Variants in CACNA1C observed in about 807,000 individuals in gnomAD.
CACNA1C encodes voltage-dependent L-type calcium channel subunit alpha-1C.
CACNA1C carries 30 observed loss-of-function variants against 229.0 expected under a neutral mutation model. That is an observed-to-expected ratio of 0.13 (90% CI 0.10 to 0.18). The LOEUF is 0.18. Among genes scored for constraint, CACNA1C ranks in the 10% least tolerant of loss-of-function variants. The pLI is 1.00. For missense variants in CACNA1C, 1,658 were observed against 2,845.0 expected, an observed-to-expected ratio of 0.58 and a Z score of 9.49; for synonymous variants, 1,114 against 1,132.5, an observed-to-expected ratio of 0.98 and a Z score of 0.33.
chr12:2,220,209 A>G (rs2061094813), intron 3 of CACNA1C, among the ~76,000 whole-genome samples: 2 of 152,152 alleles, frequency 1.3e-5, no homozygotes, highest in South Asian at 2.1e-4. Context: ...ACACAATTCA[A>G]AGCTCCCTCT....
intron 3 of CACNA1C, among the ~76,000 whole-genome samples, chr12:2,193,980 C>T (rs1819530884): frequency 6.6e-6 from 1 of 152,138 alleles, no homozygotes; most frequent in African/African-American, 2.4e-5. Flanking sequence ...TGGCCACTCC[C>T]ATGTGAACCT....
intron 3 of CACNA1C, among the ~76,000 whole-genome samples, chr12:2,259,843 G>A (rs1038978386): frequency 6.6e-6 from 1 of 152,176 alleles, no homozygotes; most frequent in Non-Finnish European, 1.5e-5. Flanking sequence ...GGCTGAGGTG[G>A]GAGAATTGCT....
At chr12:2,221,136 C>T (rs1393309467) in intron 3 of CACNA1C, among the ~76,000 whole-genome samples, 1 of 152,170 alleles carries the variant, frequency 6.6e-6, no homozygotes, top group Non-Finnish European at 1.5e-5. Context: ...GGCAGGACAA[C>T]CTTGGCATGT....
In CACNA1C at chr12:2,693,888, A is replaced by G. The variant is rs984704803; in HGVS notation, c.*2689A>G. On this transcript the variant is annotated 3_prime_UTR_variant, in exon 47 of 47. Transcript: ENST00000399655. ...ATATATAAGTAAGCTAGAAATTACA[A>G]TAAGGGACAGTCCATTCCTCTATGA... is the stretch of plus-strand genomic sequence containing the variant. 2 of 152,312 alleles carry G rather than the reference A, an allele frequency of 1.3e-5. No individual in the cohort carries two copies. Among genetic ancestry groups the G allele is most frequent in the South Asian group, 2.1e-4 (1 of 4,822 alleles). 9.4% of individuals were successfully genotyped at this position (152,312 alleles called of 1,614,324 possible).
chr12:2,621,194 G>A lies in CACNA1C; in HGVS notation c.3828+9181G>A, dbSNP rs1040447804. ...CTTTATAGGGCTCACAGAGTAGTGC[G>A]GGAGACACCAATACACAACAAACAA... is the stretch of plus-strand genomic sequence containing the variant. On this transcript the variant is annotated intron_variant, in intron 29 of 46. Transcript: ENST00000399655. Among the ~76,000 whole-genome samples the A allele has an allele frequency of 8.5e-5, 13 of 152,262 alleles. No homozygotes were observed. In the Middle Eastern group the frequency reaches 0.01, roughly 120 times the overall value.
chr12:2,353,404 G>A (rs540802865), intron 3 of CACNA1C, among the ~76,000 whole-genome samples: 13 of 152,342 alleles, frequency 8.5e-5, no homozygotes, highest in African/African-American at 2.4e-4. Context: ...TGCCAGGAGC[G>A]CTTCTATGCT....
rs1031683174 is a variant in CACNA1C, at chr12:2,034,910, C to T, written c.139+63709C>T. Among the ~76,000 whole-genome samples, 2 of 152,208 alleles carry T rather than the reference C, an allele frequency of 1.3e-5. No individual in the cohort carries two copies. Among genetic ancestry groups the T allele is most frequent in the Non-Finnish European group, 2.9e-5 (2 of 68,040 alleles). On this transcript the variant is annotated intron_variant, in intron 1 of 46. Transcript: ENST00000682462. The surrounding 1 kb of genome is among the most constrained non-coding windows in gnomAD (Gnocchi z 4.1). Reference sequence around the variant, plus strand: ...GGATGCTATGGGACACCGAATCCAACTTTGCGGGACAGGGGAAGAAGCCTT... The same window carrying T: ...GGATGCTATGGGACACCGAATCCAATTTTGCGGGACAGGGGAAGAAGCCTT...
intron 11 of CACNA1C, among the ~76,000 whole-genome samples, chr12:2,557,564 G>T (rs888439440): frequency 2.0e-5 from 3 of 152,220 alleles, no homozygotes; most frequent in Non-Finnish European, 4.4e-5. Flanking sequence ...TGAGGCCCCT[G>T]CATGGAGCCA....
chr12:2,093,538 C>T (rs1384332218), intron 1 of CACNA1C, among the ~76,000 whole-genome samples: 2 of 152,212 alleles, frequency 1.3e-5, no homozygotes, highest in South Asian at 2.1e-4. Context: ...AACATGTGTT[C>T]GTACCTGTAC....
At chr12:2,441,117 G>C (rs115364753) in intron 3 of CACNA1C, among the ~76,000 whole-genome samples, 1,903 of 152,254 alleles carry the variant, frequency 0.012, 49 homozygotes, top group African/African-American at 0.044. Flanking sequence ...TACTGAGATG[G>C]AATTGCATAA....
chr12:2,655,749 A>G (rs991331887), intron 34 of CACNA1C, among the ~76,000 whole-genome samples: 2 of 152,366 alleles, frequency 1.3e-5, no homozygotes, highest in African/African-American at 2.4e-5. Flanking sequence ...AAGATGATAC[A>G]TCATGATCAA....
intron 3 of CACNA1C, among the ~76,000 whole-genome samples, chr12:2,413,318 A>G (rs967840546): frequency 6.6e-6 from 1 of 152,222 alleles, no homozygotes; most frequent in African/African-American, 2.4e-5. Context: ...CACCCAGCCT[A>G]CCCAATGCTT....
intron 3 of CACNA1C, among the ~76,000 whole-genome samples, chr12:2,206,059 A>T (rs1024582465): frequency 6.6e-6 from 1 of 152,118 alleles, no homozygotes; most frequent in East Asian, 1.9e-4. Context: ...CACCATGTAC[A>T]TGGACTGTGC....
intron 3 of CACNA1C, among the ~76,000 whole-genome samples, chr12:2,241,892 CGTT>C (rs1210713696): frequency 6.6e-6 from 1 of 152,222 alleles, no homozygotes; most frequent in Non-Finnish European, 1.5e-5. Context: ...GTTCGCAAGG[CGTT>C]TCTCCTGGTT....
At chr12:2,079,589 G>T (rs950220757) in intron 1 of CACNA1C, among the ~76,000 whole-genome samples, 2 of 152,106 alleles carry the variant, frequency 1.3e-5, no homozygotes, top group African/African-American at 2.4e-5. Flanking sequence ...CCAGAAGGCC[G>T]CACCTCCTCA....
rs767957412 is a variant in CACNA1C at position 2,633,735 on chromosome 12, C to T, written c.3829-562C>T. 1.5e-6 allele frequency: 2 copies of T among 1,304,286 alleles called. No homozygotes were observed. Among genetic ancestry groups the T allele is most frequent in the Non-Finnish European group, 1.1e-6 (1 of 898,532 alleles). The allele number at this position is 1,304,286 out of a possible 1,614,324, so 80.8% of individuals were successfully genotyped here. Reference sequence around the variant, plus strand: ...AATGTGAGTATTACTCTGCCCTCCCCAGGAAACCTCCTCATTCCTCCTCCT... The same window carrying T: ...AATGTGAGTATTACTCTGCCCTCCCTAGGAAACCTCCTCATTCCTCCTCCT... On this transcript the variant is annotated intron_variant, in intron 29 of 46. Transcript: ENST00000399655. The surrounding 1 kb of genome is among the most constrained non-coding windows in gnomAD (Gnocchi z 5.8).
rs2059727619 is a variant in CACNA1C, at chr12:2,215,443, T to A, written c.477+95013T>A. ...TCTGAGTGGGGCCTGTTCCTCTGGG[T>A]GGGATGCGCTCTCCCTCCTCCTAGG... On this transcript the variant is annotated intron_variant, in intron 3 of 46. Coordinates refer to ENST00000399655, the MANE Select transcript of CACNA1C (RefSeq NM_000719.7). The surrounding 1 kb of genome is among the most constrained non-coding windows in gnomAD (Gnocchi z 5.0). Among the ~76,000 whole-genome samples the A allele has an allele frequency of 1.3e-5, 2 of 152,026 alleles. No individual in the cohort carries two copies.
In CACNA1C at chr12:2,504,796, C is replaced by T; in HGVS notation, c.1114-46C>T. On this transcript the variant is annotated intron_variant, in intron 7 of 46. Transcript: ENST00000399655. This position sits in a 1 kb window ranked among gnomAD's most constrained non-coding sequence, Gnocchi z 6.8. ...GAGCCGGGGACCGGCACTGGCCGTGCTCGGTTGCTGAGTGTGCCTCACTAA... is the reference window on the plus strand; with the variant it reads ...GAGCCGGGGACCGGCACTGGCCGTGTTCGGTTGCTGAGTGTGCCTCACTAA... 8.6e-7 allele frequency: 1 copy of T among 1,169,258 alleles called. No individual in the cohort carries two copies. The highest frequency in any genetic ancestry group is 1.3e-6 in the Non-Finnish European group (1 of 778,684). 72.4% of individuals were successfully genotyped at this position (1,169,258 alleles called of 1,614,324 possible). A position where few individuals can be genotyped will look rare whatever the true frequency, so the allele number is the denominator to read the frequency against.
chr12:2,041,299 C>T (rs1262856294), intron 1 of CACNA1C, among the ~76,000 whole-genome samples: 3 of 80,258 alleles, frequency 3.7e-5, no homozygotes, highest in South Asian at 3.6e-4. Flanking sequence ...TTTTTTGAGA[C>T]GGAGTCTTGC....
Sources: allele counts gnomAD v4.1 joint callset (sites outside exome capture counted in the v4.1 genomes callset), GRCh38; gene constraint gnomAD v4.1.1; non-coding constraint Gnocchi (gnomAD v3.1); transcripts MANE v1.5; gene names NCBI Gene and HGNC (gene_info 2026-07-23, HGNC 2026-07-21).